Variants in MACROD2 observed in about 807,000 individuals in gnomAD.
MACROD2 encodes the protein ADP-ribose glycohydrolase MACROD2.
In MACROD2, 36 loss-of-function variants were observed where a neutral mutation model predicts 70.4. The ratio of observed to expected loss-of-function variants is 0.51; its 90% CI spans 0.39 to 0.68. The LOEUF is 0.68. Ranked by LOEUF, MACROD2 falls within the 30% of genes least tolerant of loss-of-function variation. The pLI is 0.00. For synonymous variants in MACROD2, 172 were observed against 178.8 expected (o/e 0.96, Z 0.30); for missense variants, 496 against 538.4 (o/e 0.92, Z 0.78).
intron 4 of MACROD2, among the ~76,000 whole-genome samples, chr20:14,616,650 A>T (rs1983498400): frequency 6.6e-6 from 1 of 152,076 alleles, no homozygotes. Flanking sequence ...TGATATAAAT[A>T]CTGCCTTCTA....
intron 5 of MACROD2, among the ~76,000 whole-genome samples, chr20:14,722,915 G>T (rs768955672): frequency 9.9e-5 from 15 of 152,186 alleles, no homozygotes; most frequent in Admixed American, 2.0e-4. Flanking sequence ...AATAACATAA[G>T]ATCGTAAGAA....
At chr20:14,921,457 G>T (rs1161156648) in intron 5 of MACROD2, among the ~76,000 whole-genome samples, 5 of 152,124 alleles carry the variant, frequency 3.3e-5, no homozygotes, top group African/African-American at 1.2e-4. Context: ...GAGAGTTTTG[G>T]ATACATTTGA....
At chr20:15,957,109 A>G (rs1205302156) in intron 12 of MACROD2, among the ~76,000 whole-genome samples, 1 of 152,078 alleles carries the variant, frequency 6.6e-6, no homozygotes, top group African/African-American at 2.4e-5. Context: ...TGCTGTTGAG[A>G]GTTAGAGTGG....
Position 14,326,309 on chromosome 20 carries a change from G to A in MACROD2, c.272-167170G>A. 1.2e-6 allele frequency: 2 copies of A among 1,613,900 alleles called. No individual in the cohort carries two copies. Among genetic ancestry groups the A allele is most frequent in the Non-Finnish European group, 1.7e-6 (2 of 1,179,860 alleles). ...CTTGAGGGACTCCCTGTGGTTTGGT[G>A]ATCCTTAGTGAGCTTGGGGTTCTTA... On this transcript the variant is annotated intron_variant, in intron 3 of 17. Coordinates refer to ENST00000684519, the MANE Select transcript of MACROD2 (RefSeq NM_001351661.2). This position sits in a 1 kb window ranked among gnomAD's most constrained non-coding sequence, Gnocchi z 5.5.
At chr20:15,849,796 G>A (rs1219647314) in intron 8 of MACROD2, among the ~76,000 whole-genome samples, 1 of 152,200 alleles carries the variant, frequency 6.6e-6, no homozygotes, top group African/African-American at 2.4e-5. Context: ...GACAATAGGG[G>A]TCTGCAGCTG....
chr20:14,702,370 C>T (rs986764553), intron 5 of MACROD2, among the ~76,000 whole-genome samples: 1 of 151,248 alleles, frequency 6.6e-6, no homozygotes, highest in Non-Finnish European at 1.5e-5. Context: ...CCAGAGCAAC[C>T]CACTCTTAAG....
At chr20:14,318,812 A>T (rs546762561) in intron 3 of MACROD2, among the ~76,000 whole-genome samples, 1 of 152,134 alleles carries the variant, frequency 6.6e-6, no homozygotes, top group East Asian at 1.9e-4. Context: ...TCCCTTCTGG[A>T]TCATTTTCTA....
At chr20:14,349,693 A>T (rs2122689903) in intron 3 of MACROD2, among the ~76,000 whole-genome samples, 1 of 150,102 alleles carries the variant, frequency 6.7e-6, no homozygotes, top group East Asian at 2.0e-4. Flanking sequence ...TGATTTTGAA[A>T]TTCCACAAAT....
intron 5 of MACROD2, among the ~76,000 whole-genome samples, chr20:14,865,896 A>G (rs189652583): frequency 6.2e-4 from 94 of 152,244 alleles, no homozygotes; most frequent in Non-Finnish European, 1.1e-3. Context: ...AAGTTCTCAA[A>G]AAGATGTGCT....
intron 5 of MACROD2, among the ~76,000 whole-genome samples, chr20:14,881,233 C>T (rs1204904754): frequency 1.3e-5 from 2 of 150,830 alleles, no homozygotes; most frequent in Non-Finnish European, 3.0e-5. Context: ...GTTTTGGAGC[C>T]AGTCAGCCTG....
At chr20:15,603,155 G>A (rs903372644) in intron 8 of MACROD2, among the ~76,000 whole-genome samples, 2 of 151,990 alleles carry the variant, frequency 1.3e-5, no homozygotes, top group Non-Finnish European at 2.9e-5. Context: ...TTTAGACTTT[G>A]AAACACTCAT....
intron 5 of MACROD2, among the ~76,000 whole-genome samples, chr20:14,962,510 G>GCT (rs550218484): frequency 2.8e-5 from 4 of 144,348 alleles, no homozygotes; most frequent in East Asian, 2.0e-4. Context: ...ACAGAATTTT[G>GCT]CTCTCTCTCT....
chr20:14,025,311 A>G (rs766420742), intron 2 of MACROD2, among the ~76,000 whole-genome samples: 5 of 152,078 alleles, frequency 3.3e-5, no homozygotes, highest in Non-Finnish European at 7.4e-5. Context: ...TCTTCAAAAC[A>G]CCAGCTCCTG....
chr20:14,528,950 T>C (rs1024086130), intron 4 of MACROD2, among the ~76,000 whole-genome samples: 2 of 152,188 alleles, frequency 1.3e-5, no homozygotes, highest in Non-Finnish European at 2.9e-5. Flanking sequence ...TACTGGCTTT[T>C]CAGTATCTTT....
At chr20:14,093,981 T>A (rs1358735733) in intron 3 of MACROD2, among the ~76,000 whole-genome samples, 1 of 151,942 alleles carries the variant, frequency 6.6e-6, no homozygotes, top group Non-Finnish European at 1.5e-5. Context: ...GGCTGAGGTT[T>A]TTTTTTTTAA....
At chr20:15,862,691 C>G in intron 8 of MACROD2, 54 bp from the exon 9 acceptor site, 1 of 1,431,810 alleles carries the variant, frequency 7.0e-7, no homozygotes, top group Non-Finnish European at 9.8e-7. Context: ...TATGTCCTGG[C>G]AGGGCAATTG....
chr20:15,933,145 C>A (rs2147319196), intron 10 of MACROD2, 131 bp from the exon 11 acceptor site: 1 of 768,090 alleles, frequency 1.3e-6, no homozygotes, highest in East Asian at 2.8e-5. Flanking sequence ...TCTGATTCAT[C>A]TCTCTGCCTG....
At chr20:15,140,357 TATC>T (rs1211585108) in intron 5 of MACROD2, among the ~76,000 whole-genome samples, 1 of 152,046 alleles carries the variant, frequency 6.6e-6, no homozygotes, top group Non-Finnish European at 1.5e-5. Flanking sequence ...TACATTATAA[TATC>T]ATTTCCTTCA....
At chr20:14,248,839 T>G (rs989939526) in intron 3 of MACROD2, among the ~76,000 whole-genome samples, 3 of 152,166 alleles carry the variant, frequency 2.0e-5, no homozygotes, top group African/African-American at 7.2e-5. Context: ...ATATTCTTCT[T>G]CATAATATAT....
Sources: gnomAD v4.1 joint callset for allele counts (sites outside exome capture counted in the v4.1 genomes callset) on GRCh38, gnomAD v4.1.1 for gene constraint, Gnocchi (gnomAD v3.1) non-coding constraint, MANE v1.5 for transcripts, NCBI Gene and HGNC (gene_info 2026-07-23, HGNC 2026-07-21) for gene names.